Variants in PLD5 observed in about 807,000 individuals in gnomAD.
PLD5 encodes the protein phospholipase D family member 5.
Under a neutral mutation model 61.1 loss-of-function variants are expected in PLD5, and 36 were observed. That is an observed-to-expected ratio of 0.59 (90% confidence interval 0.45 to 0.78). The LOEUF (loss-of-function observed/expected upper bound fraction) is 0.78. PLD5 is among the 30% of genes least tolerant of loss of function. The probability of loss-of-function intolerance (pLI) is 0.00; values close to 1 mark genes in which losing one functional copy is unlikely to be tolerated. For missense variants in PLD5, 515 were observed against 644.4 expected, an observed-to-expected ratio of 0.80 and a Z score of 2.17; for synonymous variants, 243 against 242.8, an observed-to-expected ratio of 1.00 and a Z score of -0.01.
At chr1:242,258,556 A>C (rs914964610) in intron 4 of PLD5, among the ~76,000 whole-genome samples, 1 of 152,334 alleles carries the variant, frequency 6.6e-6, no homozygotes, top group Non-Finnish European at 1.5e-5. Flanking sequence ...CGATTGCTAC[A>C]GACCAAGTGA....
intron 3 of PLD5, among the ~76,000 whole-genome samples, chr1:242,283,548 A>G (rs1374741547): frequency 1.3e-5 from 2 of 152,224 alleles, no homozygotes; most frequent in Non-Finnish European, 2.9e-5. Flanking sequence ...CTAAAAAAAT[A>G]TTATCTTTAA....
intron 1 of PLD5, among the ~76,000 whole-genome samples, chr1:242,404,380 A>G (rs1386330195): frequency 6.6e-6 from 1 of 152,198 alleles, no homozygotes; most frequent in African/African-American, 2.4e-5. Context: ...GAGAAAGAGC[A>G]TGGCACATCC....
intron 1 of PLD5, among the ~76,000 whole-genome samples, chr1:242,460,132 T>A: frequency 6.6e-6 from 1 of 152,210 alleles, no homozygotes; most frequent in Middle Eastern, 3.2e-3. Flanking sequence ...TATTGTAAAT[T>A]CTTATCTCTG....
chr1:242,417,789 G>C (rs1362306970), intron 1 of PLD5, among the ~76,000 whole-genome samples: 1 of 152,180 alleles, frequency 6.6e-6, no homozygotes, highest in African/African-American at 2.4e-5. Context: ...ATGGTGGTAT[G>C]GGATAGAGCA....
At chr1:242,295,752 C>A (rs1475010271) in intron 2 of PLD5, among the ~76,000 whole-genome samples, 1 of 152,164 alleles carries the variant, frequency 6.6e-6, no homozygotes, top group African/African-American at 2.4e-5. Context: ...CTCTACATTC[C>A]CACCAACAGC....
At chr1:242,113,572 A>G (rs1202801165) in intron 7 of PLD5, among the ~76,000 whole-genome samples, 1 of 152,090 alleles carries the variant, frequency 6.6e-6, no homozygotes, top group East Asian at 1.9e-4. Context: ...TTCATATAAT[A>G]TTTTATCTTT....
intron 4 of PLD5, 76 bp from the exon 5 acceptor site, chr1:242,220,191 A>T (rs1670479052): frequency 4.5e-6 from 7 of 1,550,942 alleles, no homozygotes; most frequent in Non-Finnish European, 6.2e-6. Flanking sequence ...ACCAGTGGAA[A>T]TATTCATGGT....
At chr1:242,111,308 C>A (rs12141075) in intron 7 of PLD5, among the ~76,000 whole-genome samples, 3 of 152,042 alleles carry the variant, frequency 2.0e-5, no homozygotes, top group African/African-American at 7.2e-5. Flanking sequence ...CGGCCCACCT[C>A]GGCCTCCCAA....
rs1379095999 is a variant in PLD5, at chr1:242,328,349, ATG to A, written c.326+19755_326+19756del. ...TGTGTTTTACATACGTGTGTTCTAC[ATG>A]TGTGTTCTACATATGTGTTCTACAT... is the stretch of plus-strand genomic sequence containing the variant. On this transcript the variant is annotated intron_variant, in intron 2 of 9. Transcript: ENST00000536534. 8.5e-4 allele frequency among the ~76,000 whole-genome samples: 129 copies of A among 152,198 alleles called. 2 individuals are homozygous for A. The highest frequency in any genetic ancestry group is 7.5e-3 in the East Asian group (39 of 5,174).
At position 242,087,291 on chromosome 1, in the gene PLD5, C is replaced by G. The variant is rs1321203042; in HGVS notation, c.*2563G>C. The G allele has an allele frequency of 6.6e-6, 1 of 152,064 alleles. No individual in the cohort carries two copies. Among genetic ancestry groups the G allele is most frequent in the East Asian group, 1.9e-4 (1 of 5,158 alleles). The allele number at this position is 152,064 out of a possible 1,614,324, so 9.4% of individuals were successfully genotyped here. A position where few individuals can be genotyped will look rare whatever the true frequency, so the allele number is the denominator to read the frequency against. On this transcript the variant is annotated 3_prime_UTR_variant, in exon 10 of 10. Coordinates refer to ENST00000536534, the MANE Select transcript of PLD5 (RefSeq NM_001372062.1). ...CTTGGCAGAAAAGCCTGGGATGCGG[C>G]TCCTGGTGATAGCATTTTGCCAGGC...
chr1:242,451,908 C>T (rs1397583797), intron 1 of PLD5, among the ~76,000 whole-genome samples: 1 of 152,196 alleles, frequency 6.6e-6, no homozygotes, highest in Non-Finnish European at 1.5e-5. Flanking sequence ...CAAAGAACTC[C>T]TTGCAGTATC....
intron 2 of PLD5, among the ~76,000 whole-genome samples, chr1:242,290,411 C>T (rs1675288895): frequency 6.6e-6 from 1 of 151,760 alleles, no homozygotes; most frequent in Non-Finnish European, 1.5e-5. Flanking sequence ...CCAAGGGGAG[C>T]GTGAAGTAGG....
At chr1:242,119,571 GAAGAGATACA>G (rs1227353373) in intron 6 of PLD5, among the ~76,000 whole-genome samples, 1 of 152,084 alleles carries the variant, frequency 6.6e-6, no homozygotes, top group Non-Finnish European at 1.5e-5. Flanking sequence ...CTTCTTTAAA[GAAGAGATACA>G]AATGGCCGAT....
intron 3 of PLD5, among the ~76,000 whole-genome samples, chr1:242,287,992 G>T (rs1052902050): frequency 6.6e-6 from 1 of 152,138 alleles, no homozygotes; most frequent in East Asian, 1.9e-4. Context: ...ATGCCTCAGC[G>T]AGCAGTTACA....
At chr1:242,142,969 C>T (rs995261092) in intron 5 of PLD5, among the ~76,000 whole-genome samples, 2 of 151,630 alleles carry the variant, frequency 1.3e-5, no homozygotes, top group East Asian at 1.9e-4. Flanking sequence ...CTGCCTGCCT[C>T]GGCCTCCCAA....
chr1:242,512,422 A>G (rs2103002744), intron 1 of PLD5, among the ~76,000 whole-genome samples: 1 of 151,648 alleles, frequency 6.6e-6, no homozygotes, highest in South Asian at 2.1e-4. Flanking sequence ...TCTCAAAAAA[A>G]AAAAAAAAAA....
intron 1 of PLD5, among the ~76,000 whole-genome samples, chr1:242,444,393 C>T (rs1233783012): frequency 6.6e-6 from 1 of 151,998 alleles, no homozygotes; most frequent in East Asian, 1.9e-4. Context: ...ACTCATTCTC[C>T]TCCACATATT....
chr1:242,108,494 C>T (rs1661237247), intron 7 of PLD5, among the ~76,000 whole-genome samples: 1 of 152,158 alleles, frequency 6.6e-6, no homozygotes. Flanking sequence ...ACAGCTTCTC[C>T]TGGATTTCTG....
In PLD5 at chr1:242,428,158, G is replaced by T. The variant is rs1484685529; in HGVS notation, c.190-79916C>A. On this transcript the variant is annotated intron_variant, in intron 1 of 9. Transcript: ENST00000536534. ...ACTGTTAGGGAAAAGTAGGTATGCT[G>T]AAACCTCCTCCAAGAAACAACTATT... Among the ~76,000 whole-genome samples the T allele has an allele frequency of 4.6e-5, 7 of 152,310 alleles. No homozygotes were observed. In the East Asian group the frequency reaches 1.4e-3, roughly 29 times the overall value.
Sources: gnomAD v4.1 joint callset for allele counts (sites outside exome capture counted in the v4.1 genomes callset) on GRCh38, gnomAD v4.1.1 for gene constraint, MANE v1.5 for transcripts, NCBI Gene and HGNC (gene_info 2026-07-23, HGNC 2026-07-21) for gene names.